The following FCHSD2 variants were observed in gnomAD, a reference collection of about 807,000 sequenced individuals.
FCHSD2 encodes F-BAR and double SH3 domains protein 2.
In FCHSD2, 38 loss-of-function variants were observed where a neutral mutation model predicts 108.1. The ratio of observed to expected loss-of-function variants is 0.35; its 90% CI spans 0.27 to 0.46. The LOEUF is 0.46. Among genes scored for constraint, FCHSD2 ranks in the 20% least tolerant of loss-of-function variants. The pLI is 1.00. For missense variants in FCHSD2, 751 were observed against 897.8 expected, an observed-to-expected ratio of 0.84 and a Z score of 2.09; for synonymous variants, 279 against 314.7, an observed-to-expected ratio of 0.89 and a Z score of 1.20.
At chr11:72,891,575 A>C (rs1335513632) in intron 10 of FCHSD2, among the ~76,000 whole-genome samples, 1 of 152,256 alleles carries the variant, frequency 6.6e-6, no homozygotes, top group Non-Finnish European at 1.5e-5. Flanking sequence ...AGTCAGGAAT[A>C]TTAAAGTGTT....
chr11:72,932,434 C>T (rs180797947), intron 8 of FCHSD2, among the ~76,000 whole-genome samples: 1 of 152,334 alleles, frequency 6.6e-6, no homozygotes, highest in Admixed American at 6.5e-5. Context: ...ACCACATTAT[C>T]TGAACTTGGC....
At chr11:73,010,765 C>G (rs1555073661) in intron 4 of FCHSD2, among the ~76,000 whole-genome samples, 1 of 152,184 alleles carries the variant, frequency 6.6e-6, no homozygotes, top group Non-Finnish European at 1.5e-5. Flanking sequence ...GTCTTTGAGC[C>G]CCAGTAGAGG....
chr11:72,940,259 T>C (rs956346481), intron 8 of FCHSD2, among the ~76,000 whole-genome samples: 3 of 152,196 alleles, frequency 2.0e-5, no homozygotes, highest in African/African-American at 7.2e-5. Context: ...GTTTATATTA[T>C]GCTTACCACA....
chr11:73,026,890 T>G (rs1453243159), intron 3 of FCHSD2, among the ~76,000 whole-genome samples: 1 of 152,166 alleles, frequency 6.6e-6, no homozygotes, highest in Non-Finnish European at 1.5e-5. Flanking sequence ...AGACATGCCT[T>G]GCTTTCCCTT....
intron 9 of FCHSD2, 64 bp from the exon 10 acceptor site, chr11:72,902,702 A>G (rs1855551441): frequency 7.1e-6 from 7 of 984,966 alleles, no homozygotes; most frequent in Non-Finnish European, 9.1e-6. Flanking sequence ...TACATTATAA[A>G]GTTTAAGATT....
chr11:72,839,304 T>G (rs1466156854), intron 19 of FCHSD2, among the ~76,000 whole-genome samples: 1 of 152,190 alleles, frequency 6.6e-6, no homozygotes, highest in Non-Finnish European at 1.5e-5. Context: ...ACATCTGCTT[T>G]AAGAAGAAAA....
At chr11:72,959,853 G>GGGGTGTGTGTGTGTGTGTGTGT (rs375788859) in intron 8 of FCHSD2, among the ~76,000 whole-genome samples, 1 of 145,810 alleles carries the variant, frequency 6.9e-6, no homozygotes, top group Non-Finnish European at 1.5e-5. Flanking sequence ...AAGTTTCTAG[G>GGGGTGTGTGTGTGTGTGTGTGT]GTGTGTGTGT....
intron 3 of FCHSD2, among the ~76,000 whole-genome samples, chr11:73,039,335 T>C (rs186904033): frequency 6.6e-6 from 1 of 151,940 alleles, no homozygotes; most frequent in East Asian, 1.9e-4. Context: ...CTAGACAAAA[T>C]GGTGAAATCC....
At chr11:72,947,687 G>C (rs1856544463) in intron 8 of FCHSD2, among the ~76,000 whole-genome samples, 1 of 151,974 alleles carries the variant, frequency 6.6e-6, no homozygotes, top group South Asian at 2.1e-4. Context: ...TTAGTTCATA[G>C]ATTTCTGATT....
intron 2 of FCHSD2, among the ~76,000 whole-genome samples, chr11:73,116,549 T>C (rs760904081): frequency 5.9e-5 from 9 of 152,220 alleles, no homozygotes; most frequent in Non-Finnish European, 1.0e-4. Context: ...TTTGTTTTTT[T>C]TTCTTTGAGA....
chr11:73,041,920 G>GATT (rs1176231227), intron 3 of FCHSD2, among the ~76,000 whole-genome samples: 1 of 151,890 alleles, frequency 6.6e-6, no homozygotes, highest in Non-Finnish European at 1.5e-5. Context: ...TCCACTTTGA[G>GATT]ATTATTATTA....
intron 3 of FCHSD2, among the ~76,000 whole-genome samples, chr11:73,034,392 A>T (rs1034303557): frequency 1.3e-5 from 2 of 152,240 alleles, no homozygotes; most frequent in Admixed American, 6.5e-5. Flanking sequence ...GCACACAAAC[A>T]TGCAAAAACG....
At chr11:72,906,121 G>A (rs1033210794) in intron 9 of FCHSD2, among the ~76,000 whole-genome samples, 13 of 151,728 alleles carry the variant, frequency 8.6e-5, no homozygotes, top group African/African-American at 1.9e-4. Context: ...TTTAATGATC[G>A]CCATTCTGTT....
intron 12 of FCHSD2, among the ~76,000 whole-genome samples, chr11:72,886,402 T>C (rs567084267): frequency 6.6e-6 from 1 of 152,292 alleles, no homozygotes; most frequent in Non-Finnish European, 1.5e-5. Context: ...CCAGCATTCA[T>C]CTTAAGTCTT....
chr11:72,841,629 G>T, intron 17 of FCHSD2, 46 bp from the exon 18 acceptor site: 1 of 1,532,124 alleles, frequency 6.5e-7, no homozygotes. Flanking sequence ...CCTCCAGGAA[G>T]GAGAGCCTGG....
At chr11:72,954,313 A>G (rs1856673556) in intron 8 of FCHSD2, among the ~76,000 whole-genome samples, 1 of 148,866 alleles carries the variant, frequency 6.7e-6, no homozygotes, top group Non-Finnish European at 1.5e-5. Flanking sequence ...GGCTCATGCA[A>G]TTCTCTCAAC....
intron 2 of FCHSD2, among the ~76,000 whole-genome samples, chr11:73,125,468 G>A (rs1860832437): frequency 6.6e-6 from 1 of 151,846 alleles, no homozygotes; most frequent in African/African-American, 2.4e-5. Flanking sequence ...ACTTTGGGAG[G>A]CCAAAGAAGG....
intron 9 of FCHSD2, among the ~76,000 whole-genome samples, chr11:72,904,706 A>C (rs1319241877): frequency 1.3e-5 from 2 of 152,208 alleles, no homozygotes; most frequent in African/African-American, 4.8e-5. Flanking sequence ...TTTTACAAAA[A>C]AGTTTTTCAA....
intron 3 of FCHSD2, among the ~76,000 whole-genome samples, chr11:73,053,233 C>T (rs1262717460): frequency 6.8e-6 from 1 of 146,980 alleles, no homozygotes; most frequent in Non-Finnish European, 1.5e-5. Context: ...TTATCACTAA[C>T]CTTACAAATT....
Sources: gnomAD v4.1 joint callset for allele counts (sites outside exome capture counted in the v4.1 genomes callset) on GRCh38, gnomAD v4.1.1 for gene constraint, MANE v1.5 for transcripts, NCBI Gene and HGNC (gene_info 2026-07-23, HGNC 2026-07-21) for gene names.